Variants in ACSL3 observed in about 807,000 individuals in gnomAD.
ACSL3 encodes acyl-CoA synthetase long chain family member 3, also known as fatty acid CoA ligase Acsl3.
In ACSL3, 34 loss-of-function variants were observed where a neutral mutation model predicts 84.7. That is an observed-to-expected ratio of 0.40 (90% CI 0.31 to 0.53). The LOEUF (loss-of-function observed/expected upper bound fraction) is 0.53. Ranked by LOEUF, ACSL3 falls within the 20% of genes least tolerant of loss-of-function variation. ACSL3 has a pLI of 0.48. For missense variants in ACSL3, 680 were observed against 873.1 expected (o/e 0.78, Z 2.79); for synonymous variants, 315 against 299.4 (o/e 1.05, Z -0.54).
intron 1 of ACSL3, among the ~76,000 whole-genome samples, chr2:222,863,883 T>C (rs1695073899): frequency 6.6e-6 from 1 of 152,146 alleles, no homozygotes; most frequent in African/African-American, 2.4e-5. Flanking sequence ...GTCCTAGGGG[T>C]ACCATGTGGC....
intron 5 of ACSL3, 57 bp from the exon 6 acceptor site, chr2:222,917,989 C>T: frequency 7.9e-7 from 1 of 1,265,864 alleles, no homozygotes; most frequent in Non-Finnish European, 1.1e-6. Flanking sequence ...CATTCAGAGA[C>T]TTTACATTTG....
At chr2:222,902,860 C>G (rs746942964) in intron 3 of ACSL3, among the ~76,000 whole-genome samples, 5 of 152,194 alleles carry the variant, frequency 3.3e-5, no homozygotes, top group South Asian at 2.1e-4. Context: ...GGTGGGCAAA[C>G]TGGGACAGAC....
intron 2 of ACSL3, among the ~76,000 whole-genome samples, chr2:222,894,820 A>G (rs1227085929): frequency 1.3e-5 from 2 of 152,222 alleles, no homozygotes; most frequent in African/African-American, 4.8e-5. Flanking sequence ...TAATGGCTGC[A>G]TAATAGTCTG....
At chr2:222,922,044 A>T (rs1696753811) in intron 8 of ACSL3, among the ~76,000 whole-genome samples, 1 of 152,172 alleles carries the variant, frequency 6.6e-6, no homozygotes, top group African/African-American at 2.4e-5. Flanking sequence ...GAACTTGGGG[A>T]TGGAGGAATG....
intron 1 of ACSL3, among the ~76,000 whole-genome samples, chr2:222,879,896 CTT>C (rs879514603): frequency 1.4e-5 from 2 of 144,206 alleles, no homozygotes. Flanking sequence ...AATAATAAAC[CTT>C]TTTTTTTTTT....
chr2:222,919,180 C>T lies in ACSL3; in HGVS notation c.783C>T (p.Ala261=). The change falls in exon 7 of 17, where the codon GCC becomes GCT. Residue 261 remains alanine, a synonymous_variant. Transcript: ENST00000357430. ...TGCATACCATGGCTGCAGTGGAGGC[C>T]CTGGGAGCCAAGGCCAGCATGGGTA... The part of the protein sequence containing the change: ...IIVHTMAAVE[A]LGAKASMENQ... 1.2e-6 allele frequency: 2 copies of T among 1,613,948 alleles called. No individual in the cohort carries two copies. Among genetic ancestry groups the T allele is most frequent in the Non-Finnish European group, 1.7e-6 (2 of 1,179,924 alleles).
chr2:222,871,666 C>A (rs1272674002), intron 1 of ACSL3, among the ~76,000 whole-genome samples: 1 of 152,048 alleles, frequency 6.6e-6, no homozygotes, highest in Non-Finnish European at 1.5e-5. Flanking sequence ...CGGGAGTCCT[C>A]CAGGAAGGAC....
intron 5 of ACSL3, chr2:222,916,730 G>A: frequency 3.0e-6 from 1 of 336,884 alleles, no homozygotes; most frequent in Non-Finnish European, 5.3e-6. Flanking sequence ...AGACTTTCAG[G>A]TCTTGAGAAC....
chr2:222,931,711 C>T (rs1697034860), intron 14 of ACSL3, among the ~76,000 whole-genome samples: 1 of 152,158 alleles, frequency 6.6e-6, no homozygotes, highest in Admixed American at 6.5e-5. Context: ...ATCTTACTGG[C>T]CACAACCATT....
intron 2 of ACSL3, among the ~76,000 whole-genome samples, chr2:222,890,500 C>T (rs959842439): frequency 1.3e-5 from 2 of 152,102 alleles, no homozygotes; most frequent in African/African-American, 4.8e-5. Context: ...CTCAAATATG[C>T]ATACTTTGTT....
At chr2:222,891,620 CA>C (rs1695846909) in intron 2 of ACSL3, among the ~76,000 whole-genome samples, 1 of 152,062 alleles carries the variant, frequency 6.6e-6, no homozygotes, top group Non-Finnish European at 1.5e-5. Flanking sequence ...GGAGAGTACT[CA>C]AGAGTCCTAC....
intron 14 of ACSL3, among the ~76,000 whole-genome samples, chr2:222,932,058 T>A (rs2028384): frequency 0.83 from 126,724 of 152,116 alleles, 53,093 homozygotes; most frequent in East Asian, 0.97. Context: ...CAACCAACCA[T>A]CCAACCCTCA....
At position 222,941,819 on chromosome 2, in the gene ACSL3, A is replaced by G. The variant is rs758665090; in HGVS notation, c.*165A>G. On this transcript the variant is annotated 3_prime_UTR_variant, in exon 17 of 17. Transcript: ENST00000357430. ...GACAGGATTAGTAAAACATTAAGAC[A>G]GCAAACTTGTGTCTGTCTCTTCTTT... 3.9e-4 allele frequency: 263 copies of G among 676,724 alleles called. No individual in the cohort carries two copies. The highest frequency in any genetic ancestry group is 1.5e-3 in the South Asian group (41 of 27,684). The allele number at this position is 676,724 out of a possible 1,614,324, so 41.9% of individuals were successfully genotyped here. A position where few individuals can be genotyped will look rare whatever the true frequency, so the allele number is the denominator to read the frequency against.
chr2:222,865,498 C>T lies in ACSL3; in HGVS notation c.-207+4240C>T, dbSNP rs548964733. On this transcript the variant is annotated intron_variant, in intron 1 of 16. Coordinates refer to ENST00000357430, the MANE Select transcript of ACSL3 (RefSeq NM_004457.5). ...GAATTTGGAAATGATTGGGCGAGTTCCTGCTCTTAAGGAGCTCACAGTTCA... is the reference window on the plus strand; with the variant it reads ...GAATTTGGAAATGATTGGGCGAGTTTCTGCTCTTAAGGAGCTCACAGTTCA... Among the ~76,000 whole-genome samples, 18 of 152,266 alleles carry T rather than the reference C, an allele frequency of 1.2e-4. No homozygotes were observed. The East Asian group carries it at 3.3e-3, about 28-fold the overall frequency.
At chr2:222,913,127 AAAT>A (rs1490003862) in intron 4 of ACSL3, among the ~76,000 whole-genome samples, 1 of 152,232 alleles carries the variant, frequency 6.6e-6, no homozygotes, top group Non-Finnish European at 1.5e-5. Flanking sequence ...TATTTTATAA[AAAT>A]AAGAAGAGAA....
chr2:222,931,569 C>G (rs1462973414), intron 14 of ACSL3, among the ~76,000 whole-genome samples: 1 of 152,146 alleles, frequency 6.6e-6, no homozygotes, highest in African/African-American at 2.4e-5. Flanking sequence ...ATACTCTTCT[C>G]TCTTTGTCTC....
chr2:222,907,915 T>C (rs1388591692), intron 3 of ACSL3, among the ~76,000 whole-genome samples: 1 of 152,196 alleles, frequency 6.6e-6, no homozygotes, highest in Non-Finnish European at 1.5e-5. Context: ...CTCTCCAACG[T>C]TGCCCCAGTC....
intron 1 of ACSL3, among the ~76,000 whole-genome samples, chr2:222,879,480 C>A (rs1458515525): frequency 6.6e-6 from 1 of 152,162 alleles, no homozygotes; most frequent in Non-Finnish European, 1.5e-5. Context: ...ACCCATGCCT[C>A]CCTGTTAGGC....
intron 1 of ACSL3, among the ~76,000 whole-genome samples, chr2:222,862,651 A>G (rs1044386564): frequency 3.3e-5 from 5 of 152,128 alleles, no homozygotes; most frequent in African/African-American, 1.2e-4. Flanking sequence ...GGGATGAGTA[A>G]GCCTTCTAAT....
Sources: allele counts gnomAD v4.1 joint callset (sites outside exome capture counted in the v4.1 genomes callset), GRCh38; gene constraint gnomAD v4.1.1; transcripts MANE v1.5; gene names NCBI Gene and HGNC (gene_info 2026-07-23, HGNC 2026-07-21).